ZFP64: variants seen among roughly 807,000 people sequenced by gnomAD.
ZFP64 encodes the protein zinc finger protein 64.
A neutral mutation model predicts 51.6 loss-of-function variants in ZFP64; 14 were observed. That is an observed-to-expected ratio of 0.27 (90% CI 0.18 to 0.42). ZFP64 has a LOEUF of 0.42. Among genes scored for constraint, ZFP64 ranks in the 10% least tolerant of loss-of-function variants. The pLI is 1.00. For synonymous variants in ZFP64, 375 were observed against 361.4 expected, an observed-to-expected ratio of 1.04 and a Z score of -0.43; for missense variants, 754 against 906.8, an observed-to-expected ratio of 0.83 and a Z score of 2.16.
downstream of ZFP64, among the ~76,000 whole-genome samples, chr20:52,150,229 A>T (rs1311809289): frequency 1.3e-5 from 2 of 151,320 alleles, no homozygotes; most frequent in East Asian, 3.9e-4. Context: ...GACTGATAGG[A>T]AGTCCATCAA....
At chr20:52,093,187 C>CTGGA (rs1242525076) in intron 7 of ZFP64, among the ~76,000 whole-genome samples, 1 of 152,068 alleles carries the variant, frequency 6.6e-6, no homozygotes, top group Non-Finnish European at 1.5e-5. Context: ...GTCCCCAAGG[C>CTGGA]TGGAGTGCAG....
intron 7 of ZFP64, chr20:52,088,663 CA>C (rs1379692345): frequency 1.2e-6 from 2 of 1,612,974 alleles, no homozygotes; most frequent in African/African-American, 1.3e-5. Flanking sequence ...CATAAGGAGT[CA>C]AAGTTAAAGG....
intron 5 of ZFP64, among the ~76,000 whole-genome samples, chr20:52,126,958 A>ATTT (rs879661790): frequency 7.2e-6 from 1 of 139,852 alleles, no homozygotes; most frequent in African/African-American, 2.6e-5. Flanking sequence ...CTTTGTCAGA[A>ATTT]TTTTTTTTTT....
At chr20:52,111,196 AAT>A in intron 5 of ZFP64, 4 of 532,922 alleles carry the variant, frequency 7.5e-6, no homozygotes, top group East Asian at 3.1e-5. Context: ...GTCAGCGGTC[AAT>A]TTTTTTTTTT....
At chr20:52,097,468 T>G (rs2079001610) in intron 6 of ZFP64, 3 of 1,584,412 alleles carry the variant, frequency 1.9e-6, no homozygotes, top group Non-Finnish European at 2.6e-6. Context: ...TTTTTTTTTT[T>G]TTTGGAGACA....
At chr20:52,093,543 A>G (rs2078952353) in intron 7 of ZFP64, among the ~76,000 whole-genome samples, 1 of 152,254 alleles carries the variant, frequency 6.6e-6, no homozygotes, top group Non-Finnish European at 1.5e-5. Flanking sequence ...ACTACTGTTT[A>G]GCATTGCCTT....
rs1261720192 is a variant in ZFP64, at chr20:52,152,504, G to C, written c.1688C>G (p.Ala563Gly). ...QSSRCPSEAG[A>G]MTQPAVLLTT... ...CAGCAGGACAGCCGGCTGGGTCATT[G>C]CGCCCGCCTCGCTCGGACACCGCGA... The change falls in exon 6 of 6, where the codon GCA becomes GGA. Residue 563 changes from alanine (A) to glycine (G), a missense_variant. Physicochemically the swap from Ala to Gly is moderately conservative, Grantham distance 60 (BLOSUM62 0). Transcript: ENST00000216923. The C allele has an allele frequency of 1.2e-6, 2 of 1,608,056 alleles. No homozygotes were observed. The highest frequency in any genetic ancestry group is 3.3e-5 in the Admixed American group (2 of 59,892).
chr20:52,089,075 C>T (rs770689232), intron 7 of ZFP64: 14 of 517,108 alleles, frequency 2.7e-5, no homozygotes, highest in South Asian at 1.8e-4. Context: ...GTGCTGAGGT[C>T]AGAAAAAGAA....
chr20:52,141,148 G>A (rs975806700), intron 5 of ZFP64, among the ~76,000 whole-genome samples: 2 of 152,142 alleles, frequency 1.3e-5, no homozygotes, highest in African/African-American at 2.4e-5. Flanking sequence ...GGTCACCCAA[G>A]AGCTCTGATG....
At chr20:52,097,279 A>G in intron 7 of ZFP64, 1 of 1,429,368 alleles carries the variant, frequency 7.0e-7, no homozygotes, top group Non-Finnish European at 9.8e-7. Flanking sequence ...CAGATGAGGC[A>G]GAGACTGTCC....
intron 5 of ZFP64, among the ~76,000 whole-genome samples, chr20:52,124,615 AT>A (rs1015694040): frequency 4.5e-4 from 64 of 142,384 alleles, no homozygotes; most frequent in Non-Finnish European, 5.8e-4. Context: ...TTACTTTATT[AT>A]TTTTTTTTTT....
chr20:52,122,028 C>A (rs1173860484), intron 5 of ZFP64, among the ~76,000 whole-genome samples: 1 of 152,120 alleles, frequency 6.6e-6, no homozygotes, highest in Non-Finnish European at 1.5e-5. Context: ...ATATTTAAAG[C>A]CCACTGTTGA....
chr20:52,111,014 GA>G, intron 5 of ZFP64: 1 of 1,470,686 alleles, frequency 6.8e-7, no homozygotes, highest in Non-Finnish European at 9.5e-7. Context: ...GTATCCAGGG[GA>G]AGGGCGCGCT....
chr20:52,154,193 A>G (rs1489882119), intron 5 of ZFP64, among the ~76,000 whole-genome samples: 2 of 152,178 alleles, frequency 1.3e-5, no homozygotes, highest in Non-Finnish European at 2.9e-5. Flanking sequence ...CCCTCATCTC[A>G]ACATTGTTTA....
intron 5 of ZFP64, among the ~76,000 whole-genome samples, chr20:52,122,503 CAAAAA>C (rs71192596): frequency 2.2e-5 from 2 of 91,132 alleles, no homozygotes; most frequent in Admixed American, 1.2e-4. Context: ...GACTCCGTCT[CAAAAA>C]AAAAAAAAAA....
intron 2 of ZFP64, among the ~76,000 whole-genome samples, chr20:52,171,822 AT>A (rs1982764739): frequency 1.3e-5 from 2 of 150,540 alleles, no homozygotes; most frequent in Admixed American, 1.3e-4. Context: ...ATCTCGGCTC[AT>A]TGCAATCTCT....
rs11409645 is a variant in ZFP64 at position 52,119,520 on chromosome 20, TA to T, written c.764-20934del. Among the ~76,000 whole-genome samples the T allele has an allele frequency of 1.4e-3, 145 of 100,286 alleles. 1 individual carries two copies. Among genetic ancestry groups the T allele is most frequent in the Admixed American group, 3.3e-3 (26 of 7,962 alleles). 65.8% of individuals were successfully genotyped at this position (100,286 alleles called of 152,430 possible). On this transcript the variant is annotated intron_variant, in intron 5 of 8. Coordinates refer to the ZFP64 transcript ENST00000361387. ...CTGGGAAACAGAGTGAGACTTCATC[TA>T]AAAAAAAAAAAAATATATATATATA...
rs1980784040 is a variant in ZFP64 at position 52,151,361 on chromosome 20, T to A, written c.*785A>T. The A allele has an allele frequency of 2.0e-6, 2 of 985,418 alleles. No individual in the cohort carries two copies. Among genetic ancestry groups the A allele is most frequent in the Non-Finnish European group, 2.4e-6 (2 of 829,930 alleles). 61.0% of individuals were successfully genotyped at this position (985,418 alleles called of 1,614,324 possible). A position where few individuals can be genotyped will look rare whatever the true frequency, so the allele number is the denominator to read the frequency against. On this transcript the variant is annotated 3_prime_UTR_variant, in exon 6 of 6. Coordinates refer to ENST00000216923, the MANE Select transcript of ZFP64 (RefSeq NM_018197.3). ...TAAACATTTTTTTTTGGGTCAAGTA[T>A]CCATGTCATATTATGTAGAAAATGG...
At chr20:52,148,996 C>A (rs910841098), downstream of ZFP64, among the ~76,000 whole-genome samples, 2 of 152,090 alleles carry the variant, frequency 1.3e-5, no homozygotes, top group Non-Finnish European at 2.9e-5. Context: ...TTCCCAACAA[C>A]CAAAAGGAGG....
Sources: allele counts gnomAD v4.1 joint callset (sites outside exome capture counted in the v4.1 genomes callset), GRCh38; gene constraint gnomAD v4.1.1; transcripts MANE v1.5; gene names NCBI Gene and HGNC (gene_info 2026-07-23, HGNC 2026-07-21).